CELF2: variants seen among roughly 807,000 people sequenced by gnomAD.
CELF2 encodes CUGBP Elav-like family member 2.
CELF2 carries 8 observed loss-of-function variants against 62.6 expected under a neutral mutation model. The observed-to-expected ratio is 0.13, with a 90% confidence interval of 0.07 to 0.23. The LOEUF (loss-of-function observed/expected upper bound fraction) is 0.23. Ranked by LOEUF, CELF2 falls within the 10% of genes least tolerant of loss-of-function variation. The pLI is 1.00. For missense variants in CELF2, 333 were observed against 671.0 expected (o/e 0.50, Z 5.56); for synonymous variants, 258 against 250.0 (o/e 1.03, Z -0.30).
At chr10:10,868,782 T>A (rs1416809520) in intron 1 of CELF2, among the ~76,000 whole-genome samples, 1 of 152,256 alleles carries the variant, frequency 6.6e-6, no homozygotes, top group Non-Finnish European at 1.5e-5. Flanking sequence ...ATTTGTGATA[T>A]GTATACTTTT....
intron 1 of CELF2, among the ~76,000 whole-genome samples, chr10:10,883,331 G>A (rs975513529): frequency 5.3e-5 from 8 of 152,124 alleles, no homozygotes; most frequent in East Asian, 3.8e-4. Context: ...TAAATTGAGC[G>A]TTTAAGCAAT....
At chr10:10,504,066 A>T in the CELF2 span, among the ~76,000 whole-genome samples, 1 of 152,032 alleles carries the variant, frequency 6.6e-6, no homozygotes, top group Admixed American at 6.6e-5. Context: ...AATATTTTTC[A>T]CTATATACAT....
intron 3 of CELF2, among the ~76,000 whole-genome samples, chr10:11,248,095 G>A (rs1472048767): frequency 2.0e-5 from 3 of 152,230 alleles, no homozygotes; most frequent in African/African-American, 7.2e-5. Context: ...GAAAGGTGCC[G>A]AGAGAATGGG....
At chr10:10,683,027 T>C in the CELF2 span, among the ~76,000 whole-genome samples, 1 of 152,188 alleles carries the variant, frequency 6.6e-6, no homozygotes, top group Non-Finnish European at 1.5e-5. Flanking sequence ...CAGATCACAC[T>C]TGCTTTCTCT....
At chr10:10,468,203 C>A in the CELF2 span, among the ~76,000 whole-genome samples, 2 of 151,960 alleles carry the variant, frequency 1.3e-5, no homozygotes, top group Admixed American at 6.6e-5. Context: ...AAAGCTTTGG[C>A]GTTCTCTAAA....
Position 11,267,332 on chromosome 10 carries a change from C to A in CELF2, c.618+655C>A, listed in dbSNP as rs955611632. On this transcript the variant is annotated intron_variant, in intron 6 of 12. Coordinates refer to ENST00000633077, the MANE Select transcript of CELF2 (RefSeq NM_001326342.2). This position sits in a 1 kb window ranked among gnomAD's most constrained non-coding sequence, Gnocchi z 4.4. ...TCATGGCTTTAGGGGAAGGTAAACACCCTGGTGTGGATGCACACCCACGAA... is the reference window on the plus strand; with the variant it reads ...TCATGGCTTTAGGGGAAGGTAAACAACCTGGTGTGGATGCACACCCACGAA... 1.3e-5 allele frequency among the ~76,000 whole-genome samples: 2 copies of A among 152,180 alleles called. No individual in the cohort carries two copies. The highest frequency in any genetic ancestry group is 2.9e-5 in the Non-Finnish European group (2 of 68,042).
In CELF2 at chr10:11,329,135, C is replaced by G; in HGVS notation, c.*82C>G. 1 of 1,421,062 alleles carries G rather than the reference C, an allele frequency of 7.0e-7. No individual in the cohort carries two copies. Among genetic ancestry groups the G allele is most frequent in the Non-Finnish European group, 9.4e-7 (1 of 1,059,928 alleles). 88.0% of individuals were successfully genotyped at this position (1,421,062 alleles called of 1,614,324 possible). On this transcript the variant is annotated 3_prime_UTR_variant, in exon 13 of 13. Coordinates refer to ENST00000633077, the MANE Select transcript of CELF2 (RefSeq NM_001326342.2). This position sits in a 1 kb window ranked among gnomAD's most constrained non-coding sequence, Gnocchi z 5.5. ...AGCCAGCCTGTCTCAACAGGGAAGG[C>G]AGAGGAGGACCACATTGCCAACTTT...
the CELF2 span, among the ~76,000 whole-genome samples, chr10:10,579,215 T>C: frequency 6.6e-6 from 1 of 152,158 alleles, no homozygotes; most frequent in Non-Finnish European, 1.5e-5. Flanking sequence ...ATAGTAAAAT[T>C]CAAATCCAAT....
In CELF2 at chr10:11,321,532, AAC is replaced by A. The variant is rs1555120546; in HGVS notation, c.1294+147_1294+148del. On this transcript the variant is annotated intron_variant, in intron 11 of 12. Transcript: ENST00000633077. The surrounding 1 kb of genome is among the most constrained non-coding windows in gnomAD (Gnocchi z 6.2). ...GTTATTCATGTTTAAAAAAAAAAAA[AAC>A]TGAAAGCTGGGCATGGTGGCATACA... is the stretch of plus-strand genomic sequence containing the variant. The A allele has an allele frequency of 2.9e-6, 2 of 699,830 alleles. No homozygotes were observed. Among genetic ancestry groups the A allele is most frequent in the Non-Finnish European group, 4.6e-6 (2 of 433,794 alleles). 43.4% of individuals were successfully genotyped at this position (699,830 alleles called of 1,614,324 possible). A position where few individuals can be genotyped will look rare whatever the true frequency, so the allele number is the denominator to read the frequency against.
chr10:10,761,408 G>C, the CELF2 span, among the ~76,000 whole-genome samples: 1 of 152,166 alleles, frequency 6.6e-6, no homozygotes, highest in Non-Finnish European at 1.5e-5. Flanking sequence ...GGTTGGTAGA[G>C]GTGTAAGTCC....
At chr10:10,717,953 T>A in the CELF2 span, among the ~76,000 whole-genome samples, 3 of 152,162 alleles carry the variant, frequency 2.0e-5, no homozygotes, top group African/African-American at 7.2e-5. Context: ...AGAATTCTGT[T>A]TCCTAGTGAG....
upstream of CELF2, chr10:10,794,832 A>G (rs944575320): frequency 1.3e-5 from 2 of 152,166 alleles, no homozygotes; most frequent in East Asian, 3.9e-4. Flanking sequence ...ACCACATGAA[A>G]GCCCACCTGG....
chr10:11,148,843 A>AACACAC (rs58567770), intron 1 of CELF2, among the ~76,000 whole-genome samples: 344 of 146,906 alleles, frequency 2.3e-3, no homozygotes, highest in African/African-American at 7.3e-3. Flanking sequence ...TCTTAAACCA[A>AACACAC]ACACACACAC....
At chr10:11,072,290 C>T (rs978698312) in intron 1 of CELF2, among the ~76,000 whole-genome samples, 1 of 152,152 alleles carries the variant, frequency 6.6e-6, no homozygotes, top group East Asian at 1.9e-4. Flanking sequence ...ACTTATAGAA[C>T]CTCTTTTAAG....
chr10:10,850,946 T>C (rs1192714954), intron 1 of CELF2, among the ~76,000 whole-genome samples: 2 of 152,040 alleles, frequency 1.3e-5, no homozygotes, highest in East Asian at 1.9e-4. Context: ...GCTGGGATTA[T>C]AGGCGCCCCC....
At chr10:10,899,623 TA>T (rs2062797286) in intron 1 of CELF2, among the ~76,000 whole-genome samples, 1 of 152,200 alleles carries the variant, frequency 6.6e-6, no homozygotes, top group South Asian at 2.1e-4. Flanking sequence ...CGCACTGCTA[TA>T]AAGAAATACC....
chr10:11,114,525 G>A (rs755836511), intron 1 of CELF2, among the ~76,000 whole-genome samples: 3 of 152,056 alleles, frequency 2.0e-5, no homozygotes, highest in African/African-American at 2.4e-5. Flanking sequence ...TTACACTCTC[G>A]TCGAGTCATA....
At chr10:10,467,994 G>A in the CELF2 span, among the ~76,000 whole-genome samples, 885 of 152,084 alleles carry the variant, frequency 5.8e-3, 12 homozygotes, top group African/African-American at 0.02. Context: ...TGATGACAAG[G>A]CAACATGTTT....
At chr10:10,628,217 C>T in the CELF2 span, among the ~76,000 whole-genome samples, 1 of 152,064 alleles carries the variant, frequency 6.6e-6, no homozygotes, top group African/African-American at 2.4e-5. Context: ...ATGCTTAATT[C>T]TTATCTAACC....
Sources: allele counts gnomAD v4.1 joint callset (sites outside exome capture counted in the v4.1 genomes callset), GRCh38; gene constraint gnomAD v4.1.1; non-coding constraint Gnocchi (gnomAD v3.1); transcripts MANE v1.5; gene names NCBI Gene and HGNC (gene_info 2026-07-23, HGNC 2026-07-21).